Variants in DHDDS observed in about 807,000 individuals in gnomAD.
The protein encoded by DHDDS is dehydrodolichyl diphosphate synthase subunit.
Under a neutral mutation model 46.2 loss-of-function variants are expected in DHDDS, and 16 were observed. The ratio of observed to expected loss-of-function variants is 0.35; its 90% confidence interval spans 0.23 to 0.53. The LOEUF is 0.53. Among genes scored for constraint, DHDDS ranks in the 20% least tolerant of loss-of-function variants. DHDDS has a pLI of 0.94. For missense variants in DHDDS, 340 were observed against 423.7 expected (o/e 0.80, Z 1.73); for synonymous variants, 151 against 163.1 (o/e 0.93, Z 0.56).
chr1:26,443,376 A>T (rs529295201), intron 4 of DHDDS, among the ~76,000 whole-genome samples: 3 of 152,344 alleles, frequency 2.0e-5, no homozygotes, highest in African/African-American at 7.2e-5. Context: ...AACCCTAAAA[A>T]GTTACTGTAC....
chr1:26,443,085 A>T (rs1223578628), intron 4 of DHDDS: 5 of 796,338 alleles, frequency 6.3e-6, no homozygotes, highest in African/African-American at 1.8e-5. Context: ...TTATTTGAGG[A>T]TATTGAGGGG....
At position 26,437,061 on chromosome 1, in the gene DHDDS, T is replaced by G. The variant is rs565815258; in HGVS notation, c.64-1107T>G. 2.6e-5 allele frequency among the ~76,000 whole-genome samples: 4 copies of G among 151,870 alleles called. No individual in the cohort carries two copies. In the East Asian group the frequency reaches 7.9e-4, roughly 30 times the overall value. On this transcript the variant is annotated intron_variant, in intron 2 of 8. Coordinates refer to ENST00000236342, the MANE Select transcript of DHDDS (RefSeq NM_205861.3). ...GGCAGGTGCCTGTAGTCACAGCTAC[T>G]CGGGAGGCTGAGGCAGGAGAATGGC... is the stretch of plus-strand genomic sequence containing the variant.
intron 3 of DHDDS, 145 bp downstream of exon 3, chr1:26,438,429 C>G: frequency 1.3e-6 from 1 of 789,734 alleles, no homozygotes; most frequent in Non-Finnish European, 2.1e-6. Flanking sequence ...AGCTATAGAT[C>G]TCATCTTGAC....
Position 26,469,288 on chromosome 1 carries a change from A to G in DHDDS, c.*157A>G, listed in dbSNP as rs2075528346. On this transcript the variant is annotated 3_prime_UTR_variant, in exon 9 of 9. Coordinates refer to ENST00000236342, the MANE Select transcript of DHDDS (RefSeq NM_205861.3). ...CAGGCCAGGTTTGCTGGCCATAGAT[A>G]CCTTTGGGCTGCCTGGGACAGGCTC... 7.2e-7 allele frequency: 1 copy of G among 1,380,018 alleles called. No homozygotes were observed. The highest frequency in any genetic ancestry group is 1.9e-5 in the Admixed American group (1 of 51,350). The allele number at this position is 1,380,018 out of a possible 1,614,324, so 85.5% of individuals were successfully genotyped here.
At chr1:26,435,530 C>T (rs1037656053) in intron 2 of DHDDS, among the ~76,000 whole-genome samples, 4 of 148,532 alleles carry the variant, frequency 2.7e-5, no homozygotes, top group Admixed American at 1.4e-4. Flanking sequence ...CTCTGCCTCC[C>T]GGGTTCAAGC....
chr1:26,440,985 C>T (rs956297628), intron 3 of DHDDS, among the ~76,000 whole-genome samples: 5 of 150,688 alleles, frequency 3.3e-5, no homozygotes, highest in Non-Finnish European at 5.9e-5. Context: ...GGTGCAGTGG[C>T]GCGATCTCAG....
chr1:26,448,971 A>AG (rs1279067218), intron 6 of DHDDS, among the ~76,000 whole-genome samples: 14 of 152,382 alleles, frequency 9.2e-5, no homozygotes, highest in African/African-American at 3.1e-4. Context: ...TTAGATAAAA[A>AG]GGAGAGGAGA....
At chr1:26,435,486 G>A (rs1410438414) in intron 2 of DHDDS, among the ~76,000 whole-genome samples, 27 of 140,476 alleles carry the variant, frequency 1.9e-4, no homozygotes, top group African/African-American at 6.5e-4. Context: ...CACCCAGGCT[G>A]GAGTGCAGTG....
intron 6 of DHDDS, chr1:26,454,546 G>T: frequency 1.6e-6 from 1 of 607,064 alleles, no homozygotes; most frequent in East Asian, 2.8e-5. Context: ...CATTTGATTT[G>T]ACCCTCATGA....
intron 6 of DHDDS, chr1:26,454,944 G>A (rs1484612994): frequency 6.2e-7 from 1 of 1,602,390 alleles, no homozygotes; most frequent in African/African-American, 1.3e-5. Flanking sequence ...TTGGGCCACT[G>A]ACCTTGTGTC....
chr1:26,466,628 T>G (rs965020574), intron 8 of DHDDS, among the ~76,000 whole-genome samples: 2 of 152,260 alleles, frequency 1.3e-5, no homozygotes, highest in African/African-American at 4.8e-5. Context: ...CCCCCATTGC[T>G]GGCATGCACT....
chr1:26,460,156 T>A lies in DHDDS; in HGVS notation c.765+12T>A. On this transcript the variant is annotated intron_variant, in intron 8 of 8. Coordinates refer to ENST00000236342, the MANE Select transcript of DHDDS (RefSeq NM_205861.3). ...ATAGCGTGCTTCAGGTAAGAAAGAG[T>A]TCAGGGCTGGCCAGATGGGATGGGA... The A allele has an allele frequency of 6.2e-7, 1 of 1,603,040 alleles. No individual in the cohort carries two copies. The highest frequency in any genetic ancestry group is 1.1e-5 in the South Asian group (1 of 90,772).
chr1:26,458,712 TG>T (rs2075394538), intron 7 of DHDDS, among the ~76,000 whole-genome samples: 1 of 128,646 alleles, frequency 7.8e-6, no homozygotes, highest in Non-Finnish European at 1.6e-5. Flanking sequence ...CACTCCAGCC[TG>T]GGCAACAGAG....
intron 8 of DHDDS, among the ~76,000 whole-genome samples, chr1:26,464,173 A>G (rs2075457260): frequency 6.6e-6 from 1 of 151,718 alleles, no homozygotes; most frequent in Admixed American, 6.6e-5. Flanking sequence ...TTGTATTTTT[A>G]GTAGAGACAG....
chr1:26,457,761 CCT>C (rs770810167), intron 6 of DHDDS, 28 bp from the exon 7 acceptor site: 1 of 1,496,500 alleles, frequency 6.7e-7, no homozygotes, highest in African/African-American at 1.4e-5. Flanking sequence ...AGGATGTGTG[CCT>C]CTCTTTGTCT....
chr1:26,455,018 C>T, intron 6 of DHDDS: 4 of 1,335,112 alleles, frequency 3.0e-6, no homozygotes, highest in East Asian at 4.6e-5. Flanking sequence ...GAATGGTACG[C>T]ACTGTTTCTG....
At chr1:26,468,811 G>GGCCCCCCCCCCAACACC in intron 8 of DHDDS, 84 bp from the exon 9 acceptor site, 5 of 637,986 alleles carry the variant, frequency 7.8e-6, no homozygotes, top group Non-Finnish European at 1.3e-5. Context: ...CCCACCCTGT[G>GGCCCCCCCCCCAACACC]CCCCACCCCC....
intron 6 of DHDDS, among the ~76,000 whole-genome samples, chr1:26,449,026 T>A (rs1238601689): frequency 6.6e-6 from 1 of 152,214 alleles, no homozygotes; most frequent in African/African-American, 2.4e-5. Context: ...TCCTAACAGC[T>A]GGGTGACATT....
chr1:26,468,322 C>T (rs988602213), intron 8 of DHDDS, among the ~76,000 whole-genome samples: 3 of 152,010 alleles, frequency 2.0e-5, no homozygotes, highest in African/African-American at 7.2e-5. Flanking sequence ...GAGGATGGTA[C>T]CCTCAGAGGA....
Sources: gnomAD v4.1 joint callset for allele counts (sites outside exome capture counted in the v4.1 genomes callset) on GRCh38, gnomAD v4.1.1 for gene constraint, MANE v1.5 for transcripts, NCBI Gene and HGNC (gene_info 2026-07-23, HGNC 2026-07-21) for gene names.